The following CISD1 variants were observed in gnomAD, a reference collection of about 807,000 sequenced individuals.
CISD1 encodes the protein CDGSH iron sulfur domain 1.
CISD1 carries 8 observed loss-of-function variants against 12.0 expected under a neutral mutation model. That is an observed-to-expected ratio of 0.67 (90% CI 0.39 to 1.20). CISD1 has a LOEUF of 1.20. CISD1 is among the 50% of genes most tolerant of loss of function. The probability of loss-of-function intolerance (pLI) is 0.01; values close to 1 mark genes in which losing one functional copy is unlikely to be tolerated. For missense variants in CISD1, 107 were observed against 132.7 expected (o/e 0.81, Z 0.95); for synonymous variants, 38 against 42.2 (o/e 0.90, Z 0.39).
chr10:58,278,295 T>A (rs953388208), intron 2 of CISD1, among the ~76,000 whole-genome samples: 21 of 152,060 alleles, frequency 1.4e-4, no homozygotes, highest in Non-Finnish European at 2.8e-4. Flanking sequence ...CCCAGCACTT[T>A]GGGTGGTTGA....
chr10:58,281,920 G>A (rs1419002128), intron 2 of CISD1, among the ~76,000 whole-genome samples: 1 of 150,828 alleles, frequency 6.6e-6, no homozygotes. Flanking sequence ...TCTCTTGCCA[G>A]CATTGGTATG....
At chr10:58,284,776 A>C (rs910397785) in intron 2 of CISD1, among the ~76,000 whole-genome samples, 1 of 152,192 alleles carries the variant, frequency 6.6e-6, no homozygotes, top group African/African-American at 2.4e-5. Context: ...TTAGTTTCTA[A>C]TATTTTCAAC....
intron 1 of CISD1, among the ~76,000 whole-genome samples, chr10:58,269,603 CT>C (rs1839218817): frequency 6.6e-6 from 1 of 152,180 alleles, no homozygotes; most frequent in Non-Finnish European, 1.5e-5. Flanking sequence ...CCCTAAGACG[CT>C]TTCATGTCCT....
In CISD1 at chr10:58,269,163, GCA is replaced by G; in HGVS notation, c.-110_-109del. ...GACCCGCCGCGGCGCCTGCGCGGTA[GCA>G]TCGCGGAGTCGGTGCTTTAGTACGC... On this transcript the variant is annotated 5_prime_UTR_variant, in exon 1 of 3. Coordinates refer to ENST00000333926, the MANE Select transcript of CISD1 (RefSeq NM_018464.5). 1 of 1,156,334 alleles carries G rather than the reference GCA, an allele frequency of 8.6e-7. No homozygotes were observed. The highest frequency in any genetic ancestry group is 1.2e-5 in the South Asian group (1 of 80,428). 71.6% of individuals were successfully genotyped at this position (1,156,334 alleles called of 1,614,324 possible).
In CISD1 at chr10:58,289,325, T is replaced by C. The variant is rs549997541; in HGVS notation, c.*1675T>C. The stretch of plus-strand genomic sequence containing the variant: ...ATTCTTTATCTTGAATTTGAAATTA[T>C]ATTGTTAGTCATGCATTTTTGTAAT... On this transcript the variant is annotated 3_prime_UTR_variant, in exon 3 of 3. Transcript: ENST00000333926. The C allele has an allele frequency of 2.6e-5, 4 of 152,302 alleles. No homozygotes were observed. The highest frequency in any genetic ancestry group is 7.2e-5 in the African/African-American group (3 of 41,572). 9.4% of individuals were successfully genotyped at this position (152,302 alleles called of 1,614,324 possible). A position where few individuals can be genotyped will look rare whatever the true frequency, so the allele number is the denominator to read the frequency against.
chr10:58,284,272 G>C (rs918009464), intron 2 of CISD1, among the ~76,000 whole-genome samples: 5 of 151,618 alleles, frequency 3.3e-5, no homozygotes, highest in African/African-American at 1.2e-4. Flanking sequence ...GGAGATTGAG[G>C]CTTCAGTAAG....
intron 2 of CISD1, among the ~76,000 whole-genome samples, chr10:58,286,568 T>G (rs1193873449): frequency 2.0e-5 from 3 of 152,220 alleles, no homozygotes; most frequent in African/African-American, 7.2e-5. Context: ...TAATGTGTGC[T>G]GTGATTCAAA....
intron 2 of CISD1, among the ~76,000 whole-genome samples, chr10:58,281,364 C>CT (rs1839371862): frequency 6.6e-6 from 1 of 152,116 alleles, no homozygotes; most frequent in East Asian, 1.9e-4. Flanking sequence ...TTTCTCATGC[C>CT]TTTTTTTCCC....
chr10:58,275,148 C>A (rs1174623283), intron 1 of CISD1, among the ~76,000 whole-genome samples: 3 of 152,072 alleles, frequency 2.0e-5, no homozygotes, highest in African/African-American at 7.2e-5. Context: ...GGGATATTGC[C>A]CCCCTTTAAG....
chr10:58,277,062 A>G (rs1411212904), intron 1 of CISD1, 55 bp from the exon 2 acceptor site: 7 of 1,243,122 alleles, frequency 5.6e-6, no homozygotes, highest in Non-Finnish European at 7.9e-6. Flanking sequence ...TGCATGTGAT[A>G]TTATTGGTGT....
rs899813266 is a variant in CISD1, at chr10:58,282,304, C to T, written c.237+4982C>T. Reference sequence around the variant, plus strand: ...TATAGTACAGGCTTCCCTCGGTGTCCATGGATTGGTTCCAGGACCTCCCAT... The same window carrying T: ...TATAGTACAGGCTTCCCTCGGTGTCTATGGATTGGTTCCAGGACCTCCCAT... On this transcript the variant is annotated intron_variant, in intron 2 of 2. Coordinates refer to ENST00000333926, the MANE Select transcript of CISD1 (RefSeq NM_018464.5). Among the ~76,000 whole-genome samples the T allele has an allele frequency of 3.3e-5, 5 of 152,108 alleles. No individual in the cohort carries two copies. In the South Asian group the frequency reaches 1.0e-3, roughly 32 times the overall value.
intron 1 of CISD1, among the ~76,000 whole-genome samples, chr10:58,275,490 A>G (rs923120857): frequency 4.6e-5 from 7 of 152,234 alleles, no homozygotes; most frequent in African/African-American, 7.2e-5. Context: ...TCTTCTGATG[A>G]GGCCAAAGGT....
At chr10:58,274,867 G>T (rs1289966191) in intron 1 of CISD1, among the ~76,000 whole-genome samples, 1 of 152,000 alleles carries the variant, frequency 6.6e-6, no homozygotes, top group Admixed American at 6.6e-5. Flanking sequence ...TGAGAAAAAA[G>T]AATGCAAGAA....
chr10:58,277,703 A>G (rs191876616), intron 2 of CISD1, among the ~76,000 whole-genome samples: 53 of 152,088 alleles, frequency 3.5e-4, no homozygotes, highest in African/African-American at 1.3e-3. Context: ...CAGTAGAATT[A>G]CGTTGTACCC....
At chr10:58,284,831 A>G (rs934037376) in intron 2 of CISD1, among the ~76,000 whole-genome samples, 2 of 152,166 alleles carry the variant, frequency 1.3e-5, no homozygotes, top group African/African-American at 4.8e-5. Context: ...TCAGTAAGTT[A>G]TTTAGAAATA....
chr10:58,269,542 C>T (rs1240902586), intron 1 of CISD1, among the ~76,000 whole-genome samples: 1 of 152,248 alleles, frequency 6.6e-6, no homozygotes, highest in Non-Finnish European at 1.5e-5. Flanking sequence ...TTTACCCCAG[C>T]TAGCCAAACC....
intron 1 of CISD1, among the ~76,000 whole-genome samples, chr10:58,272,298 CTT>C (rs909204418): frequency 2.1e-5 from 3 of 143,964 alleles, no homozygotes; most frequent in Admixed American, 6.9e-5. Flanking sequence ...CCTGAAATCA[CTT>C]TTTTTTTTTT....
chr10:58,278,996 T>C (rs1215732742), intron 2 of CISD1, among the ~76,000 whole-genome samples: 4 of 152,342 alleles, frequency 2.6e-5, no homozygotes, highest in South Asian at 4.1e-4. Context: ...TGGTATGTTA[T>C]GTTTTTTACT....
At chr10:58,282,299 G>T (rs1399097130) in intron 2 of CISD1, among the ~76,000 whole-genome samples, 1 of 152,076 alleles carries the variant, frequency 6.6e-6, no homozygotes, top group East Asian at 1.9e-4. Flanking sequence ...GCTTCCCTCG[G>T]TGTCCATGGA....
Sources: gnomAD v4.1 joint callset for allele counts (sites outside exome capture counted in the v4.1 genomes callset) on GRCh38, gnomAD v4.1.1 for gene constraint, MANE v1.5 for transcripts, NCBI Gene and HGNC (gene_info 2026-07-23, HGNC 2026-07-21) for gene names.